AKAP9: variants seen among roughly 807,000 people sequenced by gnomAD.
AKAP9 encodes A-kinase anchor protein 9.
A neutral mutation model predicts 488.5 loss-of-function variants in AKAP9; 311 were observed. That is an observed-to-expected ratio of 0.64 (90% CI 0.58 to 0.70). The LOEUF is 0.70. Ranked by LOEUF, AKAP9 falls within the 30% of genes least tolerant of loss-of-function variation. The probability of loss-of-function intolerance (pLI) is 0.00; values close to 1 mark genes in which losing one functional copy is unlikely to be tolerated. For missense variants in AKAP9, 4,215 were observed against 4,374.5 expected (o/e 0.96, Z 1.03); for synonymous variants, 1,462 against 1,483.5 (o/e 0.99, Z 0.33).
rs1812855960 is a variant in AKAP9 at position 92,077,823 on chromosome 7, A to G, written c.6893A>G (p.Asn2298Ser). 4 of 1,613,884 alleles carry G rather than the reference A, an allele frequency of 2.5e-6. No homozygotes were observed. The highest frequency in any genetic ancestry group is 3.4e-6 in the Non-Finnish European group (4 of 1,179,892). Residue 2298 changes from asparagine (N) to serine (S), a missense_variant, in exon 30 of 50, where the codon AAT (asparagine) becomes AGT (serine). By Grantham distance (46) the Asn-to-Ser change is conservative. Around this residue, in one of 5 missense-constraint regions of AKAP9, gnomAD observed 1,476 missense variants for 1,477.4 expected, o/e 1.00. Transcript: ENST00000356239. ...AAAGAGGTAGAAATTGACCAATTAA[A>G]TGAACAAGTTACGAAACTCCAGCAG... Reference protein sequence around the residue: ...QEKEVEIDQLNEQVTKLQQQL... With the variant: ...QEKEVEIDQLSEQVTKLQQQL...
At chr7:92,102,465 ACT>A in intron 45 of AKAP9, 127 bp from the exon 46 acceptor site, 1 of 673,582 alleles carries the variant, frequency 1.5e-6, no homozygotes, top group Non-Finnish European at 2.7e-6. Flanking sequence ...TACTACTACT[ACT>A]ACTACTACTA....
intron 1 of AKAP9, among the ~76,000 whole-genome samples, chr7:91,958,926 C>T (rs552156199): frequency 6.6e-6 from 1 of 151,782 alleles, no homozygotes; most frequent in African/African-American, 2.4e-5. Flanking sequence ...ACTCTGTCAC[C>T]CAGGCTGGAA....
At position 92,080,149 on chromosome 7, in the gene AKAP9, C is replaced by G; in HGVS notation, c.8016C>G (p.Leu2672=). Residue 2672 remains leucine, a synonymous_variant, in exon 31 of 50, where the codon CTC becomes CTG. Transcript: ENST00000356239. ...GAAGCCCTCAAGATGTTGAAGTTCT[C>G]AAGGTTAGTTTTGTATTTTATTAGT... ...KKRSPQDVEV[L]KTTTELFHSN... The G allele has an allele frequency of 6.3e-7, 1 of 1,575,822 alleles. No homozygotes were observed. The highest frequency in any genetic ancestry group is 8.6e-7 in the Non-Finnish European group (1 of 1,166,628).
intron 49 of AKAP9, chr7:92,108,893 G>A: frequency 1.9e-6 from 1 of 515,708 alleles, no homozygotes; most frequent in Admixed American, 2.9e-5. Context: ...TCAGCGGACT[G>A]ATGACACAAA....
chr7:92,085,417 T>C, intron 35 of AKAP9, 78 bp from the exon 36 acceptor site: 1 of 1,366,648 alleles, frequency 7.3e-7, no homozygotes, highest in Non-Finnish European at 1.0e-6. Context: ...TGCTTAAAAT[T>C]TATTTCTGTT....
chr7:91,992,299 C>A, intron 4 of AKAP9, 88 bp downstream of exon 4: 3 of 936,596 alleles, frequency 3.2e-6, no homozygotes, highest in Non-Finnish European at 5.3e-6. Context: ...CCTGCATGTA[C>A]TTCTTTCTGT....
At chr7:91,941,702 C>G (rs994481110) in intron 1 of AKAP9, among the ~76,000 whole-genome samples, 1 of 151,990 alleles carries the variant, frequency 6.6e-6, no homozygotes, top group Admixed American at 6.6e-5. Context: ...TTTTTAGAAG[C>G]GTGTCTTTGT....
chr7:91,957,302 A>G (rs1793137261), intron 1 of AKAP9, among the ~76,000 whole-genome samples: 1 of 152,210 alleles, frequency 6.6e-6, no homozygotes, highest in Admixed American at 6.5e-5. Flanking sequence ...AGGAATATAT[A>G]TGACAACTAT....
intron 1 of AKAP9, among the ~76,000 whole-genome samples, chr7:91,961,843 CAAA>C (rs953221456): frequency 7.4e-6 from 1 of 135,434 alleles, no homozygotes; most frequent in African/African-American, 2.7e-5. Context: ...GACTCCGTCT[CAAA>C]AAAAAAAAAT....
At chr7:92,026,395 C>T (rs557209365) in intron 14 of AKAP9, among the ~76,000 whole-genome samples, 2 of 152,250 alleles carry the variant, frequency 1.3e-5, no homozygotes, top group South Asian at 4.1e-4. Flanking sequence ...ACTGTACTGC[C>T]GTGATCTCGG....
chr7:92,097,203 T>G lies in AKAP9; in HGVS notation c.10244T>G (p.Leu3415Arg). 1 of 1,612,902 alleles carries G rather than the reference T, an allele frequency of 6.2e-7. No homozygotes were observed. Among genetic ancestry groups the G allele is most frequent in the Non-Finnish European group, 8.5e-7 (1 of 1,179,664 alleles). Reference protein sequence around the residue: ...MHELQSKVEDLQRQLEEKRQQ... With the variant: ...MHELQSKVEDRQRQLEEKRQQ... ...GAGCTCCAGTCCAAAGTGGAAGATC[T>G]TCAGCGCCAGCTGGAAGAGAAAAGA... Residue 3415 changes from leucine (L) to arginine (R), a missense_variant, in exon 41 of 50, where the codon CTT (leucine) becomes CGT (arginine). By Grantham distance (102) the Leu-to-Arg change is moderately radical (BLOSUM62 -2). This residue lies in a region of AKAP9 where 1,476 missense variants were observed against 1,477.4 expected (regional missense o/e 1.00). Transcript: ENST00000356239.
chr7:91,982,690 A>C (rs148280864), intron 3 of AKAP9, among the ~76,000 whole-genome samples: 3,436 of 152,298 alleles, frequency 0.023, 66 homozygotes, highest in Non-Finnish European at 0.035. Context: ...GATTTATAAT[A>C]CTTTGGGTAT....
chr7:92,010,452 G>A (rs1018905228), intron 8 of AKAP9, among the ~76,000 whole-genome samples: 8 of 152,210 alleles, frequency 5.3e-5, no homozygotes, highest in African/African-American at 1.2e-4. Context: ...TAGTCAGGGC[G>A]TGCACTACTG....
At chr7:92,039,623 A>T (rs1274520593) in intron 17 of AKAP9, among the ~76,000 whole-genome samples, 2 of 152,190 alleles carry the variant, frequency 1.3e-5, no homozygotes, top group Non-Finnish European at 2.9e-5. Context: ...CTGAATTAAA[A>T]TTTTTTATTA....
chr7:92,026,977 G>A (rs1314132798), intron 14 of AKAP9, among the ~76,000 whole-genome samples: 101 of 144,312 alleles, frequency 7.0e-4, no homozygotes, highest in Middle Eastern at 4.2e-3. Context: ...GCCTCTGCCC[G>A]GCCGCCCATT....
At position 92,013,700 on chromosome 7, in the gene AKAP9, C is replaced by T. The variant is rs545592343; in HGVS notation, c.3533-549C>T. Among the ~76,000 whole-genome samples, 5 of 152,112 alleles carry T rather than the reference C, an allele frequency of 3.3e-5. No individual in the cohort carries two copies. In the East Asian group the frequency reaches 7.7e-4, roughly 24 times the overall value. On this transcript the variant is annotated intron_variant, in intron 9 of 49. Transcript: ENST00000356239. ...AGAAATTTGAGAGTGGCTTAAATAACAGTACCAAACTTTTAAATTTCAGGA... is the reference window on the plus strand; with the variant it reads ...AGAAATTTGAGAGTGGCTTAAATAATAGTACCAAACTTTTAAATTTCAGGA...
At chr7:92,019,435 C>T (rs987402178) in intron 12 of AKAP9, among the ~76,000 whole-genome samples, 48 of 151,880 alleles carry the variant, frequency 3.2e-4, no homozygotes, top group African/African-American at 9.9e-4. Context: ...CCACCACACC[C>T]GACCTACTTA....
At position 92,089,378 on chromosome 7, in the gene AKAP9, G is replaced by A. The variant is rs772360609; in HGVS notation, c.9214-7G>A. On this transcript the variant is annotated splice_region_variant and splice_polypyrimidine_tract_variant and intron_variant, in intron 37 of 49. Coordinates refer to ENST00000356239, the MANE Select transcript of AKAP9 (RefSeq NM_005751.5). The stretch of plus-strand genomic sequence containing the variant: ...CTTCACTTGTTTTTTACCTTCCTTT[G>A]TTACAGGGTGTTGAATATCAAGCAG... 19 of 1,611,086 alleles carry A rather than the reference G, an allele frequency of 1.2e-5. No individual in the cohort carries two copies. The Middle Eastern group carries it at 8.9e-4, about 76-fold the overall frequency.
intron 8 of AKAP9, among the ~76,000 whole-genome samples, chr7:92,011,950 A>G (rs1584105459): frequency 6.6e-6 from 1 of 152,280 alleles, no homozygotes; most frequent in East Asian, 1.9e-4. Flanking sequence ...AAAAATAAAA[A>G]GTTAGCTGGG....
Sources: gnomAD v4.1 joint callset for allele counts (sites outside exome capture counted in the v4.1 genomes callset) on GRCh38, gnomAD v4.1.1 for gene constraint, gnomAD v4.1.1 regional missense constraint, MANE v1.5 for transcripts, NCBI Gene and HGNC (gene_info 2026-07-23, HGNC 2026-07-21) for gene names.